The following PRELID1 variants were observed in gnomAD, a reference collection of about 807,000 sequenced individuals.
The protein encoded by PRELID1 is PRELI domain containing 1, also known as PRELI domain-containing protein 1, mitochondrial.
Under a neutral mutation model 29.0 loss-of-function variants are expected in PRELID1, and 15 were observed. The observed-to-expected ratio is 0.52, with a 90% CI of 0.35 to 0.80. PRELID1 has a LOEUF of 0.80. Ranked by LOEUF, PRELID1 falls within the 30% of genes least tolerant of loss-of-function variation. The pLI is 0.01. For missense variants in PRELID1, 187 were observed against 275.9 expected (o/e 0.68, Z 2.28); for synonymous variants, 79 against 106.5 (o/e 0.74, Z 1.59).
At chr5:177,304,885 CCT>C (rs1561591920) in intron 2 of PRELID1, 35 bp downstream of exon 2, 2 of 1,511,964 alleles carry the variant, frequency 1.3e-6, no homozygotes, top group Non-Finnish European at 1.8e-6. Flanking sequence ...TGCACCTCCC[CCT>C]CTCCCCTCCC....
At position 177,304,747 on chromosome 5, in the gene PRELID1, C is replaced by G; in HGVS notation, c.215C>G (p.Ala72Gly). The change falls in exon 2 of 5, where the codon GCC becomes GGC. Residue 72 changes from alanine to glycine, a missense_variant. Physicochemically the swap from Ala to Gly is moderately conservative, Grantham distance 60. Coordinates refer to ENST00000303204, the MANE Select transcript of PRELID1 (RefSeq NM_013237.4). ...MPRWAERLFP[A>G]NVAHSVYVLE... ...CGCTGGGCCGAGCGACTATTTCCTG[C>G]CAATGTTGCTCACTCGGTGTACGTC... The G allele has an allele frequency of 6.2e-7, 1 of 1,613,976 alleles. No homozygotes were observed. The highest frequency in any genetic ancestry group is 1.7e-5 in the Admixed American group (1 of 60,016).
At position 177,306,609 on chromosome 5, in the gene PRELID1, T is replaced by C; in HGVS notation, c.*39T>C. The C allele has an allele frequency of 6.3e-7, 1 of 1,591,570 alleles. No individual in the cohort carries two copies. Among genetic ancestry groups the C allele is most frequent in the Non-Finnish European group, 8.6e-7 (1 of 1,169,076 alleles). On this transcript the variant is annotated 3_prime_UTR_variant, in exon 5 of 5. Coordinates refer to ENST00000303204, the MANE Select transcript of PRELID1 (RefSeq NM_013237.4). The stretch of plus-strand genomic sequence containing the variant: ...ACCACAGCACCCCAGACAGCTAGGC[T>C]TAGCCTCTCTGCCCTCCCTTCATTG...
In PRELID1 at chr5:177,304,962, A is replaced by G. The variant is rs934280090; in HGVS notation, c.318+112A>G. On this transcript the variant is annotated intron_variant, in intron 2 of 4. Coordinates refer to ENST00000303204, the MANE Select transcript of PRELID1 (RefSeq NM_013237.4). The stretch of plus-strand genomic sequence containing the variant: ...GCCATAAGGCAGCTTTTGTGGCCGG[A>G]GGCAGGTCTGGGTTACTGAGGGTTG... The G allele has an allele frequency of 4.3e-5, 47 of 1,086,718 alleles. No homozygotes were observed. The African/African-American group carries it at 6.6e-4, about 15-fold the overall frequency. The allele number at this position is 1,086,718 out of a possible 1,614,324, so 67.3% of individuals were successfully genotyped here.
In PRELID1 at chr5:177,306,749, TCTG is replaced by T. The variant is rs1188483972; in HGVS notation, c.*182_*184del. 1.7e-4 allele frequency: 178 copies of T among 1,059,700 alleles called. No homozygotes were observed. Among genetic ancestry groups the T allele is most frequent in the Middle Eastern group, 2.2e-4 (1 of 4,480 alleles). 65.6% of individuals were successfully genotyped at this position (1,059,700 alleles called of 1,614,324 possible). On this transcript the variant is annotated 3_prime_UTR_variant, in exon 5 of 5. Transcript: ENST00000303204. Reference sequence around the variant, plus strand: ...GCACATGATTCATGTCTGAGCCAGGTCTGCTTATTCTCCCATTGGGCAGCTGAG... The same window carrying T: ...GCACATGATTCATGTCTGAGCCAGGTCTTATTCTCCCATTGGGCAGCTGAG...
intron 1 of PRELID1, 137 bp from the exon 2 acceptor site, chr5:177,304,488 G>A: frequency 1.3e-6 from 1 of 792,742 alleles, no homozygotes. Flanking sequence ...ACTCTGGTTT[G>A]AACCATAGCA....
chr5:177,304,565 C>T (rs779354429), intron 1 of PRELID1, 60 bp from the exon 2 acceptor site: 3 of 1,416,946 alleles, frequency 2.1e-6, no homozygotes, highest in East Asian at 2.3e-5. Context: ...AATGGGAATC[C>T]CCTCGGGCAG....
chr5:177,305,680 G>C (rs1161328785), intron 2 of PRELID1, 191 bp from the exon 3 acceptor site: 1 of 598,040 alleles, frequency 1.7e-6, no homozygotes, highest in Non-Finnish European at 3.0e-6. Flanking sequence ...AGTCAGAAGA[G>C]AGGTTTTCGA....
At chr5:177,306,054 T>A in intron 3 of PRELID1, 44 bp from the exon 4 acceptor site, 1 of 1,600,686 alleles carries the variant, frequency 6.2e-7, no homozygotes, top group African/African-American at 1.3e-5. Context: ...TGGGCTGGGG[T>A]CAGTGGGCAA....
Position 177,306,916 on chromosome 5 carries a change from A to ATAAT in PRELID1, c.*347_*350dup, listed in dbSNP as rs1760894273. On this transcript the variant is annotated 3_prime_UTR_variant, in exon 5 of 5. Coordinates refer to ENST00000303204, the MANE Select transcript of PRELID1 (RefSeq NM_013237.4). Reference sequence around the variant, plus strand: ...TCTGATGTGTCTCAGTATCTAGCACATAATAGACACTCAATAAATACTTGT... The same window carrying ATAAT: ...TCTGATGTGTCTCAGTATCTAGCACATAATTAATAGACACTCAATAAATACTTGT... 1.3e-5 allele frequency: 10 copies of ATAAT among 794,946 alleles called. No homozygotes were observed. Among genetic ancestry groups the ATAAT allele is most frequent in the Non-Finnish European group, 1.7e-5 (9 of 515,088 alleles). The allele number at this position is 794,946 out of a possible 1,614,324, so 49.2% of individuals were successfully genotyped here.
At position 177,306,744 on chromosome 5, in the gene PRELID1, C is replaced by G. The variant is rs1263919706; in HGVS notation, c.*174C>G. The G allele has an allele frequency of 1.8e-6, 2 of 1,094,388 alleles. No homozygotes were observed. The highest frequency in any genetic ancestry group is 2.6e-6 in the Non-Finnish European group (2 of 779,888). 67.8% of individuals were successfully genotyped at this position (1,094,388 alleles called of 1,614,324 possible). On this transcript the variant is annotated 3_prime_UTR_variant, in exon 5 of 5. Coordinates refer to ENST00000303204, the MANE Select transcript of PRELID1 (RefSeq NM_013237.4). ...ACCAAGCACATGATTCATGTCTGAG[C>G]CAGGTCTGCTTATTCTCCCATTGGG...
intron 4 of PRELID1, 62 bp downstream of exon 4, chr5:177,306,238 G>A (rs1760871043): frequency 1.3e-6 from 2 of 1,581,944 alleles, no homozygotes; most frequent in Non-Finnish European, 1.7e-6. Context: ...TAGCGGGCGT[G>A]GAGTCTGGGT....
chr5:177,306,813 C>T lies in PRELID1; in HGVS notation c.*243C>T. 2 of 762,826 alleles carry T rather than the reference C, an allele frequency of 2.6e-6. No homozygotes were observed. The highest frequency in any genetic ancestry group is 2.7e-5 in the East Asian group (1 of 36,924). 47.3% of individuals were successfully genotyped at this position (762,826 alleles called of 1,614,324 possible). ...CAGAGGTGCGGTGACTTGCCCGGGGCTCCAGGTAGCCTGCAGGTTAACTGG... is the reference window on the plus strand; with the variant it reads ...CAGAGGTGCGGTGACTTGCCCGGGGTTCCAGGTAGCCTGCAGGTTAACTGG... On this transcript the variant is annotated 3_prime_UTR_variant, in exon 5 of 5. Transcript: ENST00000303204.
intron 1 of PRELID1, 189 bp downstream of exon 1, chr5:177,304,266 G>A (rs1475919937): frequency 1.6e-6 from 1 of 619,996 alleles, no homozygotes; most frequent in Non-Finnish European, 2.8e-6. Flanking sequence ...GTTTACTTGA[G>A]ACCTTAGTGT....
rs1282546622 is a variant in PRELID1 at position 177,304,685 on chromosome 5, G to C, written c.153G>C (p.Leu51=). The C allele has an allele frequency of 6.2e-7, 1 of 1,614,002 alleles. No homozygotes were observed. Among genetic ancestry groups the C allele is most frequent in the African/African-American group, 1.3e-5 (1 of 74,920 alleles). ...AGGTGACCCCTGACCAGAAACTGCTGTCCCGGCGACTCCTGACCAAGACCA... is the reference window on the plus strand; with the variant it reads ...AGGTGACCCCTGACCAGAAACTGCTCTCCCGGCGACTCCTGACCAAGACCA... ...HREVTPDQKL[L]SRRLLTKTNR... is the part of the protein sequence containing the mutation. The change falls in exon 2 of 5, where the codon CTG becomes CTC. Residue 51 remains leucine (L), a synonymous_variant. Transcript: ENST00000303204.
In PRELID1 at chr5:177,306,410, C is replaced by T. The variant is rs531296485; in HGVS notation, c.512-12C>T. The T allele has an allele frequency of 1.1e-5, 18 of 1,613,850 alleles. No homozygotes were observed. Among genetic ancestry groups the T allele is most frequent in the East Asian group, 1.1e-4 (5 of 44,888 alleles). ...GCATCTTCTAAAGGCAGCCACCTGC[C>T]GTTCGCGACAGGCGAGGCCCCTTCC... is the stretch of plus-strand genomic sequence containing the variant. On this transcript the variant is annotated splice_polypyrimidine_tract_variant and intron_variant, in intron 4 of 4. Transcript: ENST00000303204.
At chr5:177,305,578 G>T in intron 2 of PRELID1, 1 of 414,306 alleles carries the variant, frequency 2.4e-6, no homozygotes, top group South Asian at 2.4e-5. Flanking sequence ...CACTGCATGC[G>T]TCTAGATGCA....
chr5:177,306,623 C>G lies in PRELID1; in HGVS notation c.*53C>G. On this transcript the variant is annotated 3_prime_UTR_variant, in exon 5 of 5. Coordinates refer to ENST00000303204, the MANE Select transcript of PRELID1 (RefSeq NM_013237.4). ...GACAGCTAGGCTTAGCCTCTCTGCC[C>G]TCCCTTCATTGTACTTTATCATTAA... 6.4e-7 allele frequency: 1 copy of G among 1,568,708 alleles called. No individual in the cohort carries two copies. The highest frequency in any genetic ancestry group is 8.6e-7 in the Non-Finnish European group (1 of 1,156,162).
rs774985331 is a variant in PRELID1, at chr5:177,305,864, T to C, written c.319-7T>C. 1.2e-6 allele frequency: 2 copies of C among 1,612,872 alleles called. No homozygotes were observed. Among genetic ancestry groups the C allele is most frequent in the Admixed American group, 3.3e-5 (2 of 60,018 alleles). ...CTGTTCCACGATTGTGGTTGGCCTC[T>C]GCATAGGTGGTGGAGGAACGATGTG... On this transcript the variant is annotated splice_region_variant and splice_polypyrimidine_tract_variant and intron_variant, in intron 2 of 4. Coordinates refer to ENST00000303204, the MANE Select transcript of PRELID1 (RefSeq NM_013237.4).
At chr5:177,306,344 G>T (rs762559276) in intron 4 of PRELID1, 78 bp from the exon 5 acceptor site, 2 of 1,603,390 alleles carry the variant, frequency 1.2e-6, no homozygotes, top group Non-Finnish European at 1.7e-6. Flanking sequence ...GCCCAGAGGA[G>T]ATTGGTGTCA....
Sources: gnomAD v4.1 joint callset for allele counts on GRCh38, gnomAD v4.1.1 for gene constraint, MANE v1.5 for transcripts, NCBI Gene and HGNC (gene_info 2026-07-23, HGNC 2026-07-21) for gene names.